The following PBRM1 variants were observed in gnomAD, a reference collection of about 807,000 sequenced individuals.
PBRM1 encodes the protein polybromo 1.
Under a neutral mutation model 194.5 loss-of-function variants are expected in PBRM1, and 27 were observed. The ratio of observed to expected loss-of-function variants is 0.14; its 90% CI spans 0.10 to 0.19. The LOEUF is 0.19. PBRM1 is among the 10% of genes least tolerant of loss of function. PBRM1 has a pLI of 1.00. For synonymous variants in PBRM1, 655 were observed against 693.2 expected (o/e 0.94, Z 0.87); for missense variants, 1,466 against 2,077.2 (o/e 0.71, Z 5.72).
chr3:52,548,662 G>A (rs1210789079), intron 29 of PBRM1, among the ~76,000 whole-genome samples: 1 of 152,122 alleles, frequency 6.6e-6, no homozygotes, highest in African/African-American at 2.4e-5. Context: ...CTGACCTCAG[G>A]TGATCTGCCT....
chr3:52,604,547 G>A (rs565089162), intron 16 of PBRM1, among the ~76,000 whole-genome samples: 1 of 152,224 alleles, frequency 6.6e-6, no homozygotes, highest in East Asian at 1.9e-4. Context: ...CAAAAAAGTA[G>A]CCTGGCATTG....
chr3:52,605,607 T>C (rs2094298790), intron 16 of PBRM1, among the ~76,000 whole-genome samples: 2 of 151,282 alleles, frequency 1.3e-5, no homozygotes, highest in Non-Finnish European at 3.0e-5. Flanking sequence ...AAGTCTCTTT[T>C]TTTTTTTTTT....
intron 26 of PBRM1, among the ~76,000 whole-genome samples, chr3:52,556,167 T>C (rs964720908): frequency 2.6e-5 from 4 of 152,234 alleles, no homozygotes; most frequent in African/African-American, 4.8e-5. Context: ...TATTTATTTA[T>C]AAAAGTTTAG....
intron 10 of PBRM1, among the ~76,000 whole-genome samples, chr3:52,640,045 T>G (rs1178210883): frequency 6.6e-6 from 1 of 152,200 alleles, no homozygotes. Flanking sequence ...AAGTTTCATC[T>G]GCTTGTTTTA....
chr3:52,631,037 G>C (rs2095601680), intron 11 of PBRM1, among the ~76,000 whole-genome samples: 1 of 152,148 alleles, frequency 6.6e-6, no homozygotes, highest in African/African-American at 2.4e-5. Context: ...GAATATAAAA[G>C]ACATATTTCT....
chr3:52,567,388 C>G (rs1450117243), intron 22 of PBRM1, among the ~76,000 whole-genome samples: 2 of 151,602 alleles, frequency 1.3e-5, no homozygotes, highest in African/African-American at 4.8e-5. Flanking sequence ...ACTATAAAAG[C>G]TGGGTTAAAG....
chr3:52,602,544 T>C (rs2094078340), intron 17 of PBRM1, among the ~76,000 whole-genome samples: 1 of 152,222 alleles, frequency 6.6e-6, no homozygotes, highest in South Asian at 2.1e-4. Context: ...TCAGTCCTTT[T>C]ATAGATGTCT....
At chr3:52,679,860 GTTT>G (rs771655951), upstream of PBRM1, 112 of 398,664 alleles carry the variant, frequency 2.8e-4, no homozygotes, top group South Asian at 4.8e-4. Context: ...CTAGCTATAA[GTTT>G]TTTTTTTTTT....
chr3:52,561,925 G>A (rs200783965), exon 25 of PBRM1: 3 of 1,614,146 alleles, frequency 1.9e-6, no homozygotes, highest in South Asian at 1.1e-5. Flanking sequence ...TTTCCGTTTG[G>A]AGCCTTCCTT....
intron 17 of PBRM1, among the ~76,000 whole-genome samples, chr3:52,590,908 T>C (rs1036812950): frequency 1.3e-5 from 2 of 152,246 alleles, no homozygotes; most frequent in Admixed American, 6.5e-5. Flanking sequence ...TGGAATGTTT[T>C]CCCATTTGCA....
chr3:52,580,037 T>A (rs1320210980), intron 20 of PBRM1, among the ~76,000 whole-genome samples: 1 of 152,114 alleles, frequency 6.6e-6, no homozygotes, highest in East Asian at 1.9e-4. Context: ...AGCCAGGAGT[T>A]CAAGACCAGC....
chr3:52,667,707 C>T (rs1334980574), intron 3 of PBRM1, among the ~76,000 whole-genome samples: 2 of 142,190 alleles, frequency 1.4e-5, no homozygotes, highest in East Asian at 2.1e-4. Flanking sequence ...GAGCTGAGAT[C>T]GTGCCACTGC....
At chr3:52,566,177 C>A (rs932777063) in intron 22 of PBRM1, among the ~76,000 whole-genome samples, 2 of 151,542 alleles carry the variant, frequency 1.3e-5, no homozygotes, top group African/African-American at 2.4e-5. Context: ...AAAAAAAAAC[C>A]CAAAACAGAA....
Position 52,669,522 on chromosome 3 carries a change from G to A in PBRM1, c.237-877C>T, listed in dbSNP as rs141960810. ...GAGACAAGTAAACCTACTGAAAAAC[G>A]ATGTGACTATTTTCTCAATTCTCCC... is the stretch of plus-strand genomic sequence containing the variant. On this transcript the variant is annotated intron_variant, in intron 2 of 29. Transcript: ENST00000296302. Among the ~76,000 whole-genome samples, 5 of 152,052 alleles carry A rather than the reference G, an allele frequency of 3.3e-5. No homozygotes were observed. In the East Asian group the frequency reaches 5.8e-4, roughly 18 times the overall value.
At chr3:52,678,056 A>G (rs2097142939) in intron 2 of PBRM1, among the ~76,000 whole-genome samples, 1 of 151,498 alleles carries the variant, frequency 6.6e-6, no homozygotes, top group African/African-American at 2.4e-5. Context: ...AATTTTTTGT[A>G]GAGATGGGTC....
intron 20 of PBRM1, among the ~76,000 whole-genome samples, chr3:52,579,649 T>C (rs1020520960): frequency 7.2e-5 from 11 of 151,850 alleles, no homozygotes; most frequent in African/African-American, 2.7e-4. Flanking sequence ...AGAGAAACTC[T>C]GAAGGAGGCT....
At chr3:52,638,977 ATT>A (rs58149305) in intron 10 of PBRM1, among the ~76,000 whole-genome samples, 104 of 86,002 alleles carry the variant, frequency 1.2e-3, no homozygotes, top group Middle Eastern at 0.017. Context: ...CGTTATTCAC[ATT>A]TTTTTTTGGG....
In PBRM1 at chr3:52,593,705, G is replaced by A. The variant is rs370571836; in HGVS notation, c.2780-4450C>T. Among the ~76,000 whole-genome samples the A allele has an allele frequency of 5.9e-5, 9 of 152,172 alleles. 1 individual carries two copies. Among genetic ancestry groups the A allele is most frequent in the African/African-American group, 1.2e-4 (5 of 41,436 alleles). On this transcript the variant is annotated intron_variant, in intron 17 of 29. Transcript: ENST00000296302. The stretch of plus-strand genomic sequence containing the variant: ...TTATTTACCCAAAAGTCATCCAGGA[G>A]TAGGTTGGTTAATTTCCATATAATT...
intron 25 of PBRM1, 81 bp from the exon 28 acceptor site, chr3:52,558,494 T>TA: frequency 8.2e-7 from 1 of 1,214,156 alleles, no homozygotes; most frequent in Non-Finnish European, 1.1e-6. Flanking sequence ...ACAGGACTAG[T>TA]AAAAACACAG....
Sources: allele counts gnomAD v4.1 joint callset (sites outside exome capture counted in the v4.1 genomes callset), GRCh38; gene constraint gnomAD v4.1.1; transcripts MANE v1.5; gene names NCBI Gene and HGNC (gene_info 2026-07-23, HGNC 2026-07-21).